The following RIMBP2 variants were observed in gnomAD, a reference collection of about 807,000 sequenced individuals.
RIMBP2 encodes RIMS binding protein 2.
A neutral mutation model predicts 118.6 loss-of-function variants in RIMBP2; 48 were observed. That is an observed-to-expected ratio of 0.40 (90% CI 0.32 to 0.51). The LOEUF (loss-of-function observed/expected upper bound fraction) is 0.51. Among genes scored for constraint, RIMBP2 ranks in the 20% least tolerant of loss-of-function variants. RIMBP2 has a pLI of 0.41. For synonymous variants in RIMBP2, 762 were observed against 742.9 expected (o/e 1.03, Z -0.42); for missense variants, 1,551 against 1,768.3 (o/e 0.88, Z 2.20).
intron 2 of RIMBP2, among the ~76,000 whole-genome samples, chr12:130,597,072 C>A (rs1333556746): frequency 6.6e-6 from 1 of 152,200 alleles, no homozygotes; most frequent in Non-Finnish European, 1.5e-5. Flanking sequence ...AGGAACGGAA[C>A]TCTACCCAAT....
chr12:130,439,731 G>A (rs569185913), intron 11 of RIMBP2, among the ~76,000 whole-genome samples: 6 of 142,254 alleles, frequency 4.2e-5, no homozygotes, highest in African/African-American at 1.6e-4. Context: ...GTGTTTGTGG[G>A]TGTGTGTATG....
intron 7 of RIMBP2, among the ~76,000 whole-genome samples, chr12:130,453,781 C>T (rs1045116778): frequency 6.6e-6 from 1 of 152,186 alleles, no homozygotes. Flanking sequence ...TAGGCCAAGG[C>T]GGTGGCTCAC....
chr12:130,634,845 T>C (rs1020744995), intron 1 of RIMBP2, among the ~76,000 whole-genome samples: 1 of 152,182 alleles, frequency 6.6e-6, no homozygotes, highest in Non-Finnish European at 1.5e-5. Flanking sequence ...GTAATCCACC[T>C]GCTGCAGCTT....
At chr12:130,418,421 G>A (rs919791789) in intron 17 of RIMBP2, among the ~76,000 whole-genome samples, 1 of 152,208 alleles carries the variant, frequency 6.6e-6, no homozygotes, top group African/African-American at 2.4e-5. Flanking sequence ...TGCAGCCCCT[G>A]CTCACACCCA....
intron 1 of RIMBP2, among the ~76,000 whole-genome samples, chr12:130,631,872 T>A (rs574283020): frequency 1.1e-4 from 16 of 152,286 alleles, no homozygotes; most frequent in African/African-American, 3.8e-4. Context: ...AGTTATAAAC[T>A]ACTGTTGCAG....
intron 6 of RIMBP2, among the ~76,000 whole-genome samples, chr12:130,466,690 C>T (rs2080508001): frequency 6.6e-6 from 1 of 152,170 alleles, no homozygotes; most frequent in African/African-American, 2.4e-5. Flanking sequence ...CACAGAGATT[C>T]CTTGTGGACC....
chr12:130,502,676 T>C lies in RIMBP2; in HGVS notation c.-4+3972A>G, dbSNP rs534074406. On this transcript the variant is annotated intron_variant, in intron 4 of 22. Coordinates refer to ENST00000690449, the MANE Select transcript of RIMBP2 (RefSeq NM_001393629.1). ...AATTTATTTTTCTGCAAAGCACTTA[T>C]CACTGCCTGACAGTGTATCACACGC... Among the ~76,000 whole-genome samples the C allele has an allele frequency of 3.9e-5, 6 of 152,358 alleles. No individual in the cohort carries two copies. The East Asian group carries it at 1.2e-3, about 29-fold the overall frequency.
chr12:130,479,711 ATT>A (rs2081786970), intron 4 of RIMBP2, among the ~76,000 whole-genome samples: 1 of 151,812 alleles, frequency 6.6e-6, no homozygotes, highest in African/African-American at 2.4e-5. Context: ...AGGAGTCCAA[ATT>A]CCTTCACTTA....
chr12:130,705,486 T>C (rs1434665665), intron 1 of RIMBP2, among the ~76,000 whole-genome samples: 2 of 152,222 alleles, frequency 1.3e-5, no homozygotes, highest in Non-Finnish European at 2.9e-5. Context: ...GGGGAGAGGC[T>C]GGCAGGGAAG....
intron 4 of RIMBP2, among the ~76,000 whole-genome samples, chr12:130,501,093 T>C (rs932016200): frequency 6.6e-5 from 10 of 152,120 alleles, no homozygotes; most frequent in Admixed American, 3.9e-4. Flanking sequence ...GATGACACCA[T>C]TGCTGCCCCA....
In RIMBP2 at chr12:130,710,446, GCACA is replaced by G. The variant is rs372257060; in HGVS notation, c.-352+5772_-352+5775del. ...TGCACACACACACATACACGCAGGC[GCACA>G]CACACACATACACACACACACGTAC... is the stretch of plus-strand genomic sequence containing the variant. On this transcript the variant is annotated intron_variant, in intron 1 of 22. Coordinates refer to ENST00000690449, the MANE Select transcript of RIMBP2 (RefSeq NM_001393629.1). This position sits in a 1 kb window ranked among gnomAD's most constrained non-coding sequence, Gnocchi z 4.3. 8.8e-4 allele frequency among the ~76,000 whole-genome samples: 133 copies of G among 151,874 alleles called. No individual in the cohort carries two copies. Among genetic ancestry groups the G allele is most frequent in the Non-Finnish European group, 1.6e-3 (108 of 67,924 alleles).
intron 2 of RIMBP2, among the ~76,000 whole-genome samples, chr12:130,603,941 T>TAAC (rs147499268): frequency 3.3e-5 from 5 of 151,876 alleles, no homozygotes; most frequent in Admixed American, 2.6e-4. Context: ...ACTTATAAAA[T>TAAC]AACTGTAGAA....
At chr12:130,501,288 G>GT (rs199675639) in intron 4 of RIMBP2, among the ~76,000 whole-genome samples, 3 of 151,956 alleles carry the variant, frequency 2.0e-5, no homozygotes, top group Non-Finnish European at 2.9e-5. Context: ...TTCCACTCCT[G>GT]TTTTTTTTCT....
At chr12:130,560,802 A>G (rs996640666) in intron 2 of RIMBP2, among the ~76,000 whole-genome samples, 1 of 152,184 alleles carries the variant, frequency 6.6e-6, no homozygotes, top group African/African-American at 2.4e-5. Context: ...CCAAGAGCCC[A>G]TGTCGAAATT....
chr12:130,575,570 T>G (rs2058031939), intron 2 of RIMBP2, among the ~76,000 whole-genome samples: 1 of 152,220 alleles, frequency 6.6e-6, no homozygotes, highest in South Asian at 2.1e-4. Flanking sequence ...TGCCTGCAAC[T>G]GTCGGGCCCT....
chr12:130,676,217 T>C (rs2136496366), intron 1 of RIMBP2, among the ~76,000 whole-genome samples: 1 of 151,908 alleles, frequency 6.6e-6, no homozygotes, highest in East Asian at 1.9e-4. Context: ...GGGACACACA[T>C]GTGTTCACAC....
chr12:130,437,076 G>T lies in RIMBP2; in HGVS notation c.1872C>A (p.Val624=). 1 of 1,574,402 alleles carries T rather than the reference G, an allele frequency of 6.4e-7. No homozygotes were observed. The highest frequency in any genetic ancestry group is 1.4e-5 in the African/African-American group (1 of 73,966). ...CCAGGTGCTCGTCTTTGGTTTCGGG[G>T]ACTCCAGAACTTGCTAATGGCTTTG... ...PQSKPLASSG[V]PETKDEHLGP... is the part of the protein sequence containing the mutation. The change falls in exon 13 of 23, where the codon GTC becomes GTA. Residue 624 remains valine (V), a synonymous_variant. Coordinates refer to ENST00000690449, the MANE Select transcript of RIMBP2 (RefSeq NM_001393629.1).
At chr12:130,435,391 T>C (rs943867856) in intron 13 of RIMBP2, among the ~76,000 whole-genome samples, 9 of 152,208 alleles carry the variant, frequency 5.9e-5, no homozygotes, top group African/African-American at 1.9e-4. Flanking sequence ...TGACTCCTCA[T>C]TCCCTCCATT....
At chr12:130,583,048 A>G (rs1220808817) in intron 2 of RIMBP2, among the ~76,000 whole-genome samples, 2 of 152,320 alleles carry the variant, frequency 1.3e-5, no homozygotes, top group South Asian at 2.1e-4. Flanking sequence ...TCAAGAATTT[A>G]CAATACAGCT....
Sources: gnomAD v4.1 joint callset for allele counts (sites outside exome capture counted in the v4.1 genomes callset) on GRCh38, gnomAD v4.1.1 for gene constraint, Gnocchi (gnomAD v3.1) non-coding constraint, MANE v1.5 for transcripts, NCBI Gene and HGNC (gene_info 2026-07-23, HGNC 2026-07-21) for gene names.